NDST1: variants seen among roughly 807,000 people sequenced by gnomAD.
NDST1 encodes N-deacetylase and N-sulfotransferase 1.
NDST1 carries 35 observed loss-of-function variants against 92.8 expected under a neutral mutation model. That is an observed-to-expected ratio of 0.38 (90% CI 0.29 to 0.50). The LOEUF (loss-of-function observed/expected upper bound fraction) is 0.50, where lower values mean the gene tolerates loss of function less well. NDST1 is among the 20% of genes least tolerant of loss of function. The pLI is 0.94. For synonymous variants in NDST1, 493 were observed against 500.3 expected (o/e 0.99, Z 0.19); for missense variants, 822 against 1,182.7 (o/e 0.69, Z 4.47).
chr5:150,545,510 C>T (rs1360609520), intron 11 of NDST1, 24 bp downstream of exon 11: 2 of 1,613,868 alleles, frequency 1.2e-6, no homozygotes, highest in Admixed American at 1.7e-5. Context: ...GGGTGGAGTC[C>T]CTGTGTCGGG....
chr5:150,553,363 G>A lies in NDST1; in HGVS notation c.*31G>A, dbSNP rs1235275495. The A allele has an allele frequency of 6.2e-7, 1 of 1,608,868 alleles. No homozygotes were observed. Reference sequence around the variant, plus strand: ...GCCACCACAGCCAGACTGAACGTTTGTGAAAGCTGGGACATCCCACCACAC... The same window carrying A: ...GCCACCACAGCCAGACTGAACGTTTATGAAAGCTGGGACATCCCACCACAC... On this transcript the variant is annotated 3_prime_UTR_variant, in exon 15 of 15. Transcript: ENST00000261797. This position sits in a 1 kb window ranked among gnomAD's most constrained non-coding sequence, Gnocchi z 4.2.
intron 2 of NDST1, among the ~76,000 whole-genome samples, chr5:150,525,964 T>A (rs1411415494): frequency 6.6e-6 from 1 of 152,182 alleles, no homozygotes; most frequent in Non-Finnish European, 1.5e-5. Context: ...CTGCTGCTGC[T>A]TCAATCCTCC....
In NDST1 at chr5:150,539,949, C is replaced by T. The variant is rs1755170056; in HGVS notation, c.1567-133C>T. The T allele has an allele frequency of 2.3e-6, 3 of 1,291,438 alleles. No homozygotes were observed. The African/African-American group carries it at 4.4e-5, about 19-fold the overall frequency. 80.0% of individuals were successfully genotyped at this position (1,291,438 alleles called of 1,614,324 possible). The stretch of plus-strand genomic sequence containing the variant: ...CAAGTACTCGCAGCGAGTTTGTTGA[C>T]AGCGCCAGCGTAACTTCCACTGGTC... On this transcript the variant is annotated intron_variant, in intron 7 of 14. Transcript: ENST00000261797.
intron 13 of NDST1, 127 bp downstream of exon 13, chr5:150,549,914 A>G (rs1216130349): frequency 2.8e-6 from 2 of 709,536 alleles, no homozygotes; most frequent in Non-Finnish European, 5.2e-6. Context: ...GAAAGTTATT[A>G]ATATGACTTA....
In NDST1 at chr5:150,558,074, G is replaced by A. The variant is rs533632374; in HGVS notation, c.*4742G>A. ...CTTCCCTTGTAGGGGGGTGGGGAGA[G>A]TGGGGAGAGGGGGTGCTATCCAGTT... On this transcript the variant is annotated 3_prime_UTR_variant, in exon 15 of 15. Transcript: ENST00000261797. The A allele has an allele frequency of 2.6e-4, 39 of 151,246 alleles. No individual in the cohort carries two copies. The highest frequency in any genetic ancestry group is 9.0e-4 in the African/African-American group (37 of 40,998). The allele number at this position is 151,246 out of a possible 1,614,324, so 9.4% of individuals were successfully genotyped here.
rs1755880665 is a variant in NDST1 at position 150,556,871 on chromosome 5, A to G, written c.*3539A>G. The stretch of plus-strand genomic sequence containing the variant: ...GGTGCACACATTGCATTTTCTAACT[A>G]TGTTTTTAAAACCTCTTTGAATGCT... On this transcript the variant is annotated 3_prime_UTR_variant, in exon 15 of 15. Coordinates refer to ENST00000261797, the MANE Select transcript of NDST1 (RefSeq NM_001543.5). 6.6e-6 allele frequency: 1 copy of G among 152,622 alleles called. No individual in the cohort carries two copies. Among genetic ancestry groups the G allele is most frequent in the South Asian group, 2.1e-4 (1 of 4,828 alleles). 9.5% of individuals were successfully genotyped at this position (152,622 alleles called of 1,614,324 possible). A position where few individuals can be genotyped will look rare whatever the true frequency, so the allele number is the denominator to read the frequency against.
rs113234854 is a variant in NDST1 at position 150,534,813 on chromosome 5, G to A, written c.1097-54G>A. ...CTCCCATCCCCAGGCACAGGCCCAG[G>A]TTAGAGGGCCTCATGGCCCAGTGGG... On this transcript the variant is annotated intron_variant, in intron 4 of 14. Coordinates refer to ENST00000261797, the MANE Select transcript of NDST1 (RefSeq NM_001543.5). 543 of 1,610,002 alleles carry A rather than the reference G, an allele frequency of 3.4e-4. 3 individuals carry two copies. The African/African-American group carries it at 5.3e-3, about 16-fold the overall frequency.
chr5:150,546,309 C>T (rs1473413792), intron 11 of NDST1, among the ~76,000 whole-genome samples: 5 of 152,300 alleles, frequency 3.3e-5, no homozygotes, highest in African/African-American at 1.2e-4. Context: ...CCAGAGCTCT[C>T]TTTAATGCCT....
At chr5:150,517,303 C>CT (rs1754019992) in intron 1 of NDST1, among the ~76,000 whole-genome samples, 2 of 126,778 alleles carry the variant, frequency 1.6e-5, no homozygotes, top group Admixed American at 8.8e-5. Flanking sequence ...ACACCTGGCT[C>CT]ATTTTTTTTT....
chr5:150,523,797 G>A (rs1754348296), intron 2 of NDST1, among the ~76,000 whole-genome samples: 1 of 152,238 alleles, frequency 6.6e-6, no homozygotes, highest in Non-Finnish European at 1.5e-5. Flanking sequence ...AGGAGGCCTA[G>A]GGAGGGGTGC....
In NDST1 at chr5:150,554,163, A is replaced by G. The variant is rs1417781556; in HGVS notation, c.*831A>G. ...CTCCCAGCCTCAGGCCCAGGCAGAC[A>G]TGGGCGAGCTGGTGAGACTGCCAGC... On this transcript the variant is annotated 3_prime_UTR_variant, in exon 15 of 15. Coordinates refer to ENST00000261797, the MANE Select transcript of NDST1 (RefSeq NM_001543.5). The G allele has an allele frequency of 7.5e-6, 3 of 398,702 alleles. No individual in the cohort carries two copies. The highest frequency in any genetic ancestry group is 2.1e-5 in the African/African-American group (1 of 48,572). The allele number at this position is 398,702 out of a possible 1,614,324, so 24.7% of individuals were successfully genotyped here. A position where few individuals can be genotyped will look rare whatever the true frequency, so the allele number is the denominator to read the frequency against.
rs1370000944 is a variant in NDST1, at chr5:150,548,358, G to A, written c.2286G>A (p.Glu762=). The A allele has an allele frequency of 6.2e-7, 1 of 1,613,228 alleles. No homozygotes were observed. The highest frequency in any genetic ancestry group is 1.3e-5 in the African/African-American group (1 of 74,904). The part of the protein sequence containing the change: ...LVPGWYATHI[E]RWLSAYHANQ... ...CTGGCTGGTACGCCACCCACATCGA[G>A]CGCTGGCTCAGTGCCTATCACGCCA... Residue 762 remains glutamate (E), a synonymous_variant, in exon 12 of 15, where the codon GAG becomes GAA. Coordinates refer to ENST00000261797, the MANE Select transcript of NDST1 (RefSeq NM_001543.5).
Position 150,545,477 on chromosome 5 carries a change from C to G in NDST1, c.2136C>G (p.Ser712=), listed in dbSNP as rs1278289912. ...TCAACCCCGCGGACCGGGCCTATTC[C>G]TGGTACCAGGTGAGTGGGGCTGGGG... ...ILINPADRAY[S]WYQHQRAHDD... is the part of the protein sequence containing the mutation. The change falls in exon 11 of 15, where the codon TCC becomes TCG. Residue 712 remains serine, a synonymous_variant. Coordinates refer to ENST00000261797, the MANE Select transcript of NDST1 (RefSeq NM_001543.5). 1 of 1,614,128 alleles carries G rather than the reference C, an allele frequency of 6.2e-7. No individual in the cohort carries two copies. The highest frequency in any genetic ancestry group is 8.5e-7 in the Non-Finnish European group (1 of 1,180,046).
At chr5:150,510,346 A>C (rs2151251089) in intron 1 of NDST1, among the ~76,000 whole-genome samples, 1 of 152,342 alleles carries the variant, frequency 6.6e-6, no homozygotes, top group South Asian at 2.1e-4. Context: ...AGCCTAAGGA[A>C]AAAATAGTTC....
At chr5:150,522,097 C>T (rs1349780121) in intron 2 of NDST1, among the ~76,000 whole-genome samples, 1 of 152,216 alleles carries the variant, frequency 6.6e-6, no homozygotes, top group East Asian at 1.9e-4. Context: ...TCAAGGCAAT[C>T]TCCCCTAGGG....
At position 150,539,338 on chromosome 5, in the gene NDST1, C is replaced by T. The variant is rs766581484; in HGVS notation, c.1548C>T (p.Leu516=). The change falls in exon 7 of 15, where the codon CTC becomes CTT. Residue 516 remains leucine (L), a synonymous_variant. Transcript: ENST00000261797. Reference sequence around the variant, plus strand: ...TCATCAACGGGGGCGAGCTCTTCCTCACCGTGCTCCTCAATCCTGTGAGTG... The same window carrying T: ...TCATCAACGGGGGCGAGCTCTTCCTTACCGTGCTCCTCAATCCTGTGAGTG... The part of the protein sequence containing the change: ...DKIINGGELF[L]TVLLNPISIF... 1.1e-5 allele frequency: 17 copies of T among 1,614,058 alleles called. No individual in the cohort carries two copies. In the African/African-American group the frequency reaches 1.7e-4, roughly 16 times the overall value.
chr5:150,511,873 C>T (rs937099189), intron 1 of NDST1, among the ~76,000 whole-genome samples: 6 of 150,968 alleles, frequency 4.0e-5, no homozygotes, highest in African/African-American at 1.5e-4. Context: ...CCTTGCTGAG[C>T]TGGATGTGGT....
At chr5:150,544,366 T>C (rs1755387755) in intron 10 of NDST1, among the ~76,000 whole-genome samples, 1 of 152,234 alleles carries the variant, frequency 6.6e-6, no homozygotes, top group Admixed American at 6.5e-5. Flanking sequence ...TTTTCAAAGC[T>C]TTCTCAATTG....
At position 150,534,909 on chromosome 5, in the gene NDST1, A is replaced by T. The variant is rs1754915928; in HGVS notation, c.1139A>T (p.Tyr380Phe). 1 of 1,614,246 alleles carries T rather than the reference A, an allele frequency of 6.2e-7. No individual in the cohort carries two copies. The highest frequency in any genetic ancestry group is 1.1e-5 in the South Asian group (1 of 91,086). Residue 380 changes from tyrosine to phenylalanine, a missense_variant, in exon 5 of 15, where the codon TAT becomes TTT. By Grantham distance (22) the Tyr-to-Phe change is conservative (BLOSUM62 3). Transcript: ENST00000261797. ...GCTGGGGATGATCTGCTGCTGTCGT[A>T]TGTGAAGGAGTTCTGGTGGTTCCCC... ...EDAGDDLLLS[Y>F]VKEFWWFPHM...
Sources: allele counts gnomAD v4.1 joint callset (sites outside exome capture counted in the v4.1 genomes callset), GRCh38; gene constraint gnomAD v4.1.1; non-coding constraint Gnocchi (gnomAD v3.1); transcripts MANE v1.5; gene names NCBI Gene and HGNC (gene_info 2026-07-23, HGNC 2026-07-21).